Variants in FMN2 observed in about 807,000 individuals in gnomAD.
FMN2 encodes the protein formin 2.
In FMN2, 51 loss-of-function variants were observed where a neutral mutation model predicts 142.3. The ratio of observed to expected loss-of-function variants is 0.36; its 90% CI spans 0.29 to 0.45. The LOEUF is 0.45. FMN2 is among the 20% of genes least tolerant of loss of function. FMN2 has a pLI of 1.00. For synonymous variants in FMN2, 882 were observed against 869.8 expected (o/e 1.01, Z -0.25); for missense variants, 1,936 against 2,122.8 (o/e 0.91, Z 1.73).
chr1:240,135,981 G>GT (rs11353423), intron 2 of FMN2, among the ~76,000 whole-genome samples: 2,546 of 142,448 alleles, frequency 0.018, 45 homozygotes, highest in African/African-American at 0.058. Context: ...GCCTAGTCAT[G>GT]TTTTTTTTTT....
At chr1:240,171,167 C>A in intron 2 of FMN2, 1 of 893,676 alleles carries the variant, frequency 1.1e-6, no homozygotes, top group Non-Finnish European at 1.9e-6. Context: ...AAGTTGGTAT[C>A]TGAATATGTG....
intron 1 of FMN2, among the ~76,000 whole-genome samples, chr1:240,102,558 C>T (rs1375000269): frequency 2.0e-5 from 3 of 152,120 alleles, no homozygotes; most frequent in African/African-American, 7.2e-5. Flanking sequence ...TTACATTTTG[C>T]AGCTAACCAA....
At chr1:240,284,609 C>T (rs1669524833) in intron 7 of FMN2, among the ~76,000 whole-genome samples, 1 of 152,130 alleles carries the variant, frequency 6.6e-6, no homozygotes, top group Non-Finnish European at 1.5e-5. Flanking sequence ...TAAAGACAAA[C>T]ACAAACTTAG....
At chr1:240,226,879 C>T (rs570842769) in intron 6 of FMN2, among the ~76,000 whole-genome samples, 3 of 152,026 alleles carry the variant, frequency 2.0e-5, no homozygotes, top group African/African-American at 7.2e-5. Context: ...CTTCCTCAGC[C>T]TGATAGCATC....
intron 8 of FMN2, among the ~76,000 whole-genome samples, chr1:240,298,848 G>A (rs538993552): frequency 7.4e-4 from 113 of 152,108 alleles, no homozygotes; most frequent in Non-Finnish European, 1.3e-3. Flanking sequence ...AAATCTTATA[G>A]TACTCCTTTC....
intron 14 of FMN2, among the ~76,000 whole-genome samples, chr1:240,363,299 T>A (rs558348409): frequency 4.3e-4 from 65 of 152,386 alleles, no homozygotes; most frequent in Non-Finnish European, 8.2e-4. Flanking sequence ...GACCATTTAA[T>A]GTTGAAAAAG....
intron 6 of FMN2, among the ~76,000 whole-genome samples, chr1:240,239,812 C>T (rs1473061796): frequency 6.6e-6 from 1 of 152,196 alleles, no homozygotes; most frequent in Non-Finnish European, 1.5e-5. Context: ...TGATTCTAGT[C>T]AATAAACATA....
chr1:240,392,528 G>A lies in FMN2; in HGVS notation c.4876G>A (p.Ala1626Thr), dbSNP rs1441857189. Residue 1626 changes from alanine to threonine, a missense_variant, in exon 15 of 18, where the codon GCA (alanine) becomes ACA (threonine). By Grantham distance (58) the Ala-to-Thr change is moderately conservative (BLOSUM62 0). Around this residue, in one of 8 missense-constraint regions of FMN2, gnomAD observed 322 missense variants for 401.6 expected, o/e 0.80. Coordinates refer to ENST00000319653, the MANE Select transcript of FMN2 (RefSeq NM_020066.5). Reference sequence around the variant, plus strand: ...ACTTTCAGCCAAAATTGACCAAGAGGCAGAGGAAAATTCACTGACAGAGAC... The same window carrying A: ...ACTTTCAGCCAAAATTGACCAAGAGACAGAGGAAAATTCACTGACAGAGAC... ...FIIQAKIDQE[A>T]EENSLTETHK... 1.2e-6 allele frequency: 2 copies of A among 1,609,620 alleles called. No individual in the cohort carries two copies. Among genetic ancestry groups the A allele is most frequent in the South Asian group, 2.2e-5 (2 of 90,126 alleles).
intron 15 of FMN2, among the ~76,000 whole-genome samples, chr1:240,424,497 G>A (rs1453825785): frequency 6.6e-6 from 1 of 152,172 alleles, no homozygotes; most frequent in Non-Finnish European, 1.5e-5. Context: ...GGGGATATGG[G>A]AATGAGGGAA....
intron 15 of FMN2, among the ~76,000 whole-genome samples, chr1:240,406,493 C>T (rs1674205741): frequency 6.6e-6 from 1 of 152,156 alleles, no homozygotes; most frequent in African/African-American, 2.4e-5. Flanking sequence ...CCAGGTATAG[C>T]CCCTTTTATT....
intron 2 of FMN2, among the ~76,000 whole-genome samples, chr1:240,177,529 C>T (rs1234103895): frequency 6.6e-6 from 1 of 151,984 alleles, no homozygotes; most frequent in Non-Finnish European, 1.5e-5. Context: ...TTGACATTCC[C>T]ACAAGTATAT....
intron 2 of FMN2, among the ~76,000 whole-genome samples, chr1:240,125,525 T>C (rs140993832): frequency 3.5e-4 from 53 of 152,334 alleles, no homozygotes; most frequent in African/African-American, 1.3e-3. Flanking sequence ...ATATATTGAT[T>C]TGGCAAGTTG....
intron 1 of FMN2, among the ~76,000 whole-genome samples, chr1:240,120,356 T>C (rs557282976): frequency 2.0e-5 from 3 of 152,216 alleles, no homozygotes; most frequent in African/African-American, 7.2e-5. Flanking sequence ...GTGAAAAATA[T>C]GCGACAGAGA....
intron 16 of FMN2, among the ~76,000 whole-genome samples, chr1:240,460,789 T>C (rs895402257): frequency 5.9e-5 from 9 of 152,174 alleles, no homozygotes; most frequent in African/African-American, 2.2e-4. Flanking sequence ...TTTTGTTTGT[T>C]TAATTTTCCA....
chr1:240,271,153 A>T (rs1349373035), intron 7 of FMN2, among the ~76,000 whole-genome samples: 2 of 107,538 alleles, frequency 1.9e-5, no homozygotes, highest in African/African-American at 4.1e-5. Flanking sequence ...TAGCCTACAC[A>T]TTTGCACTTC....
chr1:240,317,364 A>G (rs1670823929), intron 8 of FMN2, among the ~76,000 whole-genome samples: 2 of 151,952 alleles, frequency 1.3e-5, no homozygotes, highest in South Asian at 4.2e-4. Flanking sequence ...CATGACCCAA[A>G]AGATCCCTTG....
At chr1:240,150,349 A>G (rs1318921087) in intron 2 of FMN2, among the ~76,000 whole-genome samples, 2 of 148,418 alleles carry the variant, frequency 1.3e-5, no homozygotes, top group Non-Finnish European at 1.5e-5. Context: ...TGTGTACAGA[A>G]GGAAAATGAT....
Position 240,474,098 on chromosome 1 carries a change from A to T in FMN2, c.5143-30A>T, listed in dbSNP as rs766707442. 1.0e-5 allele frequency: 16 copies of T among 1,548,754 alleles called. No individual in the cohort carries two copies. In the East Asian group the frequency reaches 3.8e-4, roughly 37 times the overall value. On this transcript the variant is annotated intron_variant, in intron 17 of 17. Coordinates refer to ENST00000319653, the MANE Select transcript of FMN2 (RefSeq NM_020066.5). ...CCATTTTTAAAAGTTCTTTCTAACT[A>T]AAACTTTTATCTGGTGTATTTGTTT...
Position 240,413,120 on chromosome 1 carries a change from C to CAAAA in FMN2, c.4910+20584_4910+20587dup, listed in dbSNP as rs35590068. Among the ~76,000 whole-genome samples the CAAAA allele has an allele frequency of 6.6e-3, 161 of 24,580 alleles. 13 individuals are homozygous for CAAAA. Among genetic ancestry groups the CAAAA allele is most frequent in the East Asian group, 0.023 (7 of 306 alleles). 16.1% of individuals were successfully genotyped at this position (24,580 alleles called of 152,430 possible). On this transcript the variant is annotated intron_variant, in intron 15 of 17. Transcript: ENST00000319653. The stretch of plus-strand genomic sequence containing the variant: ...CCTGGGCGACAAAGCGAGACTCTGT[C>CAAAA]AAAAAAAAAAAAAAAAAAAAAAAAA...
Sources: allele counts gnomAD v4.1 joint callset (sites outside exome capture counted in the v4.1 genomes callset), GRCh38; gene constraint gnomAD v4.1.1; regional missense constraint gnomAD v4.1.1; transcripts MANE v1.5; gene names NCBI Gene and HGNC (gene_info 2026-07-23, HGNC 2026-07-21).